The following TUBB8 variants were observed in gnomAD, a reference collection of about 807,000 sequenced individuals.
The protein encoded by TUBB8 is tubulin beta-8 chain.
TUBB8 carries 25 observed loss-of-function variants against 33.7 expected under a neutral mutation model. That is an observed-to-expected ratio of 0.74 (90% CI 0.54 to 1.04). TUBB8 has a LOEUF of 1.04. TUBB8 is among the 50% of genes least tolerant of loss of function. The pLI is 0.00. For synonymous variants in TUBB8, 245 were observed against 240.1 expected (o/e 1.02, Z -0.19); for missense variants, 279 against 608.0 (o/e 0.46, Z 5.69).
chr10:70,283 TA>T (rs1194354840), intron 1 of TUBB8, among the ~76,000 whole-genome samples: 3 of 150,766 alleles, frequency 2.0e-5, no homozygotes, highest in East Asian at 2.1e-4. Flanking sequence ...TTTGTTTTTT[TA>T]TTTTTTTTAT....
intron 1 of TUBB8, among the ~76,000 whole-genome samples, chr10:63,623 A>T (rs1393380763): frequency 6.6e-6 from 1 of 152,134 alleles, no homozygotes. Flanking sequence ...TAACTTCAGA[A>T]TTTCTGCTTT....
In TUBB8 at chr10:49,272, T is replaced by G; in HGVS notation, c.-34A>C. ...CGGGATTAGGACGGCAGGAGAAACGTGAGAAGGAGGAGCAGACGCGCAGCG... is the reference window on the plus strand; with the variant it reads ...CGGGATTAGGACGGCAGGAGAAACGGGAGAAGGAGGAGCAGACGCGCAGCG... On this transcript the variant is annotated 5_prime_UTR_variant, in exon 1 of 4. Coordinates refer to ENST00000568584, the MANE Select transcript of TUBB8 (RefSeq NM_177987.3). 6.4e-7 allele frequency: 1 copy of G among 1,570,936 alleles called. No individual in the cohort carries two copies. Among genetic ancestry groups the G allele is most frequent in the East Asian group, 2.4e-5 (1 of 42,472 alleles).
chr10:67,142 G>GTTTTT (rs201136332), intron 1 of TUBB8, among the ~76,000 whole-genome samples: 1 of 92,014 alleles, frequency 1.1e-5, no homozygotes, highest in Non-Finnish European at 2.1e-5. Context: ...GAGTTGTTTT[G>GTTTTT]TTTTTTTGTT....
At chr10:67,950 A>C (rs1178461767) in intron 1 of TUBB8, among the ~76,000 whole-genome samples, 14,688 of 113,090 alleles carry the variant, frequency 0.13, no homozygotes, top group African/African-American at 0.26. Flanking sequence ...TTTAATATTT[A>C]TGTAGGGACG....
chr10:68,505 C>T (rs1834699859), intron 1 of TUBB8, among the ~76,000 whole-genome samples: 1 of 152,232 alleles, frequency 6.6e-6, no homozygotes, highest in Non-Finnish European at 1.5e-5. Context: ...TGGTACACAG[C>T]TTCCACTGAC....
chr10:55,756 G>A (rs12256045), intron 1 of TUBB8, among the ~76,000 whole-genome samples: 2 of 152,196 alleles, frequency 1.3e-5, no homozygotes, highest in Non-Finnish European at 2.9e-5. Flanking sequence ...CTTATTTTTT[G>A]TTGTATGTTA....
At chr10:74,891 T>TGGGG (rs1554742944), upstream of TUBB8, among the ~76,000 whole-genome samples, 5 of 75,904 alleles carry the variant, frequency 6.6e-5, no homozygotes, top group East Asian at 2.9e-4. Flanking sequence ...TTTTTTTTTT[T>TGGGG]GAGACGGAGT....
rs1554738482 is a variant in TUBB8 at position 47,931 on chromosome 10, T to G, written c.461A>C (p.Lys154Thr). Residue 154 changes from lysine (K) to threonine (T), a missense_variant, in exon 4 of 4, where the codon AAG becomes ACG. Around this residue, in one of 4 missense-constraint regions of TUBB8, gnomAD observed 96 missense variants for 233.7 expected, o/e 0.41. Coordinates refer to ENST00000568584, the MANE Select transcript of TUBB8 (RefSeq NM_177987.3). ...CCTGTCTGGGTACTCCTCCCGGATC[T>G]TACTGAGCAGAAGGGTACCCATCCC... is the stretch of plus-strand genomic sequence containing the variant. The part of the protein sequence containing the change: ...GSGMGTLLLS[K>T]IREEYPDRII... The G allele has an allele frequency of 1.2e-6, 2 of 1,614,170 alleles. No homozygotes were observed. The highest frequency in any genetic ancestry group is 1.7e-6 in the Non-Finnish European group (2 of 1,180,038).
chr10:55,312 C>A (rs1294846463), intron 1 of TUBB8, among the ~76,000 whole-genome samples: 1 of 152,238 alleles, frequency 6.6e-6, no homozygotes, highest in Non-Finnish European at 1.5e-5. Flanking sequence ...TCTACCAGGT[C>A]TCTCCCTCAA....
upstream of TUBB8, among the ~76,000 whole-genome samples, chr10:50,519 T>A (rs1224570323): frequency 6.6e-6 from 1 of 152,178 alleles, no homozygotes; most frequent in Admixed American, 6.5e-5. Context: ...CATTTCCTTT[T>A]ACATGGTCAG....
At chr10:62,793 G>C (rs571180939) in intron 1 of TUBB8, among the ~76,000 whole-genome samples, 2 of 152,196 alleles carry the variant, frequency 1.3e-5, no homozygotes, top group Non-Finnish European at 2.9e-5. Flanking sequence ...TTTTTCTTCA[G>C]CTTTTCTAAT....
At chr10:63,328 G>A (rs1376534017) in intron 1 of TUBB8, among the ~76,000 whole-genome samples, 5 of 152,154 alleles carry the variant, frequency 3.3e-5, no homozygotes, top group African/African-American at 7.2e-5. Context: ...CACCCGCCTC[G>A]GCCTCCCAAA....
At chr10:54,231 A>G (rs1436399438), upstream of TUBB8, among the ~76,000 whole-genome samples, 349 of 151,532 alleles carry the variant, frequency 2.3e-3, no homozygotes, top group African/African-American at 7.8e-3. Context: ...TATACTCTCT[A>G]TCTCTATGAC....
chr10:74,643 AG>A (rs1428859963), upstream of TUBB8, among the ~76,000 whole-genome samples: 4 of 137,642 alleles, frequency 2.9e-5, no homozygotes, highest in African/African-American at 8.6e-5. Flanking sequence ...AAAAAAAAAA[AG>A]AAAGAAAGAA....
Position 49,265 on chromosome 10 carries a change from A to T in TUBB8, c.-27T>A. 1 of 1,573,868 alleles carries T rather than the reference A, an allele frequency of 6.4e-7. No individual in the cohort carries two copies. Among genetic ancestry groups the T allele is most frequent in the Non-Finnish European group, 8.6e-7 (1 of 1,159,966 alleles). On this transcript the variant is annotated 5_prime_UTR_variant, in exon 1 of 4. Transcript: ENST00000568584. ...GCCAAGGCGGGATTAGGACGGCAGG[A>T]GAAACGTGAGAAGGAGGAGCAGACG...
At chr10:48,523 T>G (rs782415321) in intron 3 of TUBB8, 92 bp downstream of exon 3, 1,001 of 1,266,794 alleles carry the variant, frequency 7.9e-4, no homozygotes, top group Non-Finnish European at 7.5e-4. Context: ...GGGCCCTAGC[T>G]CCACAGTTCC....
At chr10:57,877 C>G (rs1269222583) in intron 1 of TUBB8, among the ~76,000 whole-genome samples, 1 of 152,078 alleles carries the variant, frequency 6.6e-6, no homozygotes, top group African/African-American at 2.4e-5. Flanking sequence ...TCAAGTTCCT[C>G]TCTTGTAAAA....
Position 47,077 on chromosome 10 carries a change from C to T in TUBB8, c.1315G>A (p.Ala439Thr), listed in dbSNP as rs782770339. 3.7e-5 allele frequency: 47 copies of T among 1,267,638 alleles called. 1 individual carries two copies. The South Asian group carries it at 5.7e-4, about 15-fold the overall frequency. The allele number at this position is 1,267,638 out of a possible 1,614,324, so 78.5% of individuals were successfully genotyped here. The change falls in exon 4 of 4, where the codon GCC becomes ACC. Residue 439 changes from alanine to threonine, a missense_variant. By Grantham distance (58) the Ala-to-Thr change is moderately conservative. Around this residue, in one of 4 missense-constraint regions of TUBB8, gnomAD observed 123 missense variants for 228.9 expected, o/e 0.54. Transcript: ENST00000568584. The stretch of plus-strand genomic sequence containing the variant: ...GAGTTCTAGGCCACCTCCTCCTCGG[C>T]ATACTCCTCATCCTCCTCCTCCTCG... ...TAEEEEDEEY[A>T]EEEVA is the part of the protein sequence containing the mutation.
intron 1 of TUBB8, among the ~76,000 whole-genome samples, chr10:57,050 G>A (rs1296824365): frequency 6.6e-6 from 1 of 152,192 alleles, no homozygotes; most frequent in Non-Finnish European, 1.5e-5. Context: ...AGAGGCCACA[G>A]GACCCATGCA....
Sources: allele counts gnomAD v4.1 joint callset (sites outside exome capture counted in the v4.1 genomes callset), GRCh38; gene constraint gnomAD v4.1.1; regional missense constraint gnomAD v4.1.1; transcripts MANE v1.5; gene names NCBI Gene and HGNC (gene_info 2026-07-23, HGNC 2026-07-21).